DOCK8: variants seen among roughly 807,000 people sequenced by gnomAD.
DOCK8 encodes dedicator of cytokinesis protein 8.
In DOCK8, 141 loss-of-function variants were observed where a neutral mutation model predicts 245.6. That is an observed-to-expected ratio of 0.57 (90% CI 0.50 to 0.66). The LOEUF (loss-of-function observed/expected upper bound fraction) is 0.66, where lower values mean the gene tolerates loss of function less well. Ranked by LOEUF, DOCK8 falls within the 30% of genes least tolerant of loss-of-function variation. The pLI is 0.00. For synonymous variants in DOCK8, 1,168 were observed against 970.2 expected (o/e 1.20, Z -3.79); for missense variants, 2,965 against 2,603.4 (o/e 1.14, Z -3.02).
At chr9:281,499 C>T (rs1359262335) in intron 2 of DOCK8, among the ~76,000 whole-genome samples, 4 of 151,870 alleles carry the variant, frequency 2.6e-5, no homozygotes, top group Admixed American at 6.6e-5. Flanking sequence ...TGCCTTGAAC[C>T]GATCTTAGGA....
chr9:404,400 A>T (rs2055316586), intron 26 of DOCK8, among the ~76,000 whole-genome samples: 1 of 152,146 alleles, frequency 6.6e-6, no homozygotes, highest in Middle Eastern at 3.4e-3. Context: ...GGTACTATGT[A>T]CTTTGCTAAA....
chr9:234,589 T>C (rs146019928), intron 1 of DOCK8, among the ~76,000 whole-genome samples: 1,855 of 152,264 alleles, frequency 0.012, 30 homozygotes, highest in African/African-American at 0.043. Context: ...GGAGGCTTTG[T>C]TTGTTGCTTT....
chr9:251,629 C>T (rs1396094989), intron 1 of DOCK8, among the ~76,000 whole-genome samples: 1 of 152,164 alleles, frequency 6.6e-6, no homozygotes, highest in Non-Finnish European at 1.5e-5. Flanking sequence ...TGTCTCCTTC[C>T]TTCTCTGTGT....
At chr9:331,894 G>T (rs2051029387) in intron 9 of DOCK8, among the ~76,000 whole-genome samples, 1 of 152,132 alleles carries the variant, frequency 6.6e-6, no homozygotes, top group African/African-American at 2.4e-5. Flanking sequence ...AATTTATTCG[G>T]TTCAGTCATT....
intron 33 of DOCK8, among the ~76,000 whole-genome samples, chr9:426,399 A>G (rs1394041210): frequency 1.3e-5 from 2 of 152,172 alleles, no homozygotes; most frequent in African/African-American, 4.8e-5. Context: ...CTCTCCCCTG[A>G]CTTGGCTCTG....
At chr9:427,452 G>A (rs2056543313) in intron 34 of DOCK8, among the ~76,000 whole-genome samples, 1 of 152,160 alleles carries the variant, frequency 6.6e-6, no homozygotes. Flanking sequence ...AATTTGTTAA[G>A]GAAAGTCATT....
At chr9:424,693 AG>A (rs1216233544) in intron 33 of DOCK8, among the ~76,000 whole-genome samples, 27 of 152,356 alleles carry the variant, frequency 1.8e-4, no homozygotes, top group Admixed American at 3.9e-4. Context: ...TACAGGCATG[AG>A]CCACTGCGCC....
intron 24 of DOCK8, among the ~76,000 whole-genome samples, chr9:392,708 C>G (rs1337126917): frequency 3.3e-5 from 5 of 152,072 alleles, no homozygotes; most frequent in Non-Finnish European, 5.9e-5. Flanking sequence ...GTGGCTGCAG[C>G]TCACAAGTCT....
intron 5 of DOCK8, among the ~76,000 whole-genome samples, chr9:309,970 CAGA>C (rs1019742850): frequency 6.6e-6 from 1 of 152,110 alleles, no homozygotes; most frequent in Non-Finnish European, 1.5e-5. Flanking sequence ...GGCTGGATTG[CAGA>C]AGAAGTCATC....
intron 14 of DOCK8, among the ~76,000 whole-genome samples, chr9:356,619 TC>T (rs1563958899): frequency 6.6e-6 from 1 of 152,026 alleles, no homozygotes; most frequent in African/African-American, 2.4e-5. Context: ...AGCATCCAGA[TC>T]TTCCCCAAAG....
In DOCK8 at chr9:341,110, T is replaced by C. The variant is rs1024509198; in HGVS notation, c.1679+789T>C. Among the ~76,000 whole-genome samples, 3 of 152,224 alleles carry C rather than the reference T, an allele frequency of 2.0e-5. No individual in the cohort carries two copies. The East Asian group carries it at 5.8e-4, about 29-fold the overall frequency. ...TTCTGTATGTGTGCCAGCAGTACAATAGCCACTAATCACATGTAGCTGTTC... is the reference window on the plus strand; with the variant it reads ...TTCTGTATGTGTGCCAGCAGTACAACAGCCACTAATCACATGTAGCTGTTC... On this transcript the variant is annotated intron_variant, in intron 14 of 47. Coordinates refer to ENST00000432829, the MANE Select transcript of DOCK8 (RefSeq NM_203447.4).
chr9:254,783 G>A (rs552243437), intron 1 of DOCK8, among the ~76,000 whole-genome samples: 1 of 152,264 alleles, frequency 6.6e-6, no homozygotes, highest in East Asian at 1.9e-4. Flanking sequence ...TTTCTCAGTC[G>A]GGTTTTCCAT....
chr9:317,151 C>T (rs2130747800), intron 7 of DOCK8, 23 bp downstream of exon 7: 1 of 1,537,288 alleles, frequency 6.5e-7, no homozygotes, highest in Non-Finnish European at 9.0e-7. Context: ...AAACACACTG[C>T]CACCGCTTTG....
Position 271,725 on chromosome 9 carries a change from A to G in DOCK8, c.152A>G (p.Gln51Arg), listed in dbSNP as rs1158781902. ...AGTACCTCTGGCTTCCCCTCTCTTC[A>G]ACTAGTAAGTATGAGTTCCAGGTTT... ...SISTSGFPSL[Q>R]LPQFYDPVEP... Residue 51 changes from glutamine (Q) to arginine (R), a missense_variant, in exon 2 of 48, where the codon CAA becomes CGA. Gln to Arg is a conservative substitution (Grantham distance 43). Transcript: ENST00000432829. 2 of 1,550,132 alleles carry G rather than the reference A, an allele frequency of 1.3e-6. No homozygotes were observed. Among genetic ancestry groups the G allele is most frequent in the Non-Finnish European group, 1.7e-6 (2 of 1,145,380 alleles).
intron 3 of DOCK8, among the ~76,000 whole-genome samples, chr9:287,077 C>A (rs770042223): frequency 3.3e-5 from 5 of 152,166 alleles, no homozygotes; most frequent in Non-Finnish European, 7.4e-5. Context: ...GAGACTGGAT[C>A]AAGTTAGAAA....
chr9:257,607 C>G (rs547019371), intron 1 of DOCK8, among the ~76,000 whole-genome samples: 29 of 152,330 alleles, frequency 1.9e-4, no homozygotes, highest in African/African-American at 7.0e-4. Flanking sequence ...GCACCCTCAG[C>G]CTTCCAGGTT....
rs368921839 is a variant in DOCK8, at chr9:379,893, G to A, written c.2563G>A (p.Val855Ile). 9.3e-6 allele frequency: 15 copies of A among 1,614,016 alleles called. No homozygotes were observed. The highest frequency in any genetic ancestry group is 1.7e-5 in the Admixed American group (1 of 60,008). ...NCLLASYVHY[V>I]FRLPEVQRDV... ...CCTGCTGGCTTCCTACGTGCACTAC[G>A]TCTTCCGCCTGCCAGAGGTGCAAAG... The change falls in exon 21 of 48, where the codon GTC becomes ATC. Residue 855 changes from valine (V) to isoleucine (I), a missense_variant. Physicochemically the swap from Val to Ile is conservative, Grantham distance 29. Around this residue, in one of 3 missense-constraint regions of DOCK8, gnomAD observed 2,825 missense variants for 2,453.5 expected, o/e 1.15. Transcript: ENST00000432829.
At chr9:270,305 C>T (rs896010332) in intron 1 of DOCK8, among the ~76,000 whole-genome samples, 1 of 152,236 alleles carries the variant, frequency 6.6e-6, no homozygotes, top group Non-Finnish European at 1.5e-5. Context: ...GAAGGTGCTC[C>T]AGTCTTATTC....
At chr9:283,489 C>T (rs1005813981) in intron 2 of DOCK8, among the ~76,000 whole-genome samples, 7 of 152,102 alleles carry the variant, frequency 4.6e-5, no homozygotes, top group African/African-American at 1.7e-4. Flanking sequence ...CTTTTAGTGT[C>T]TCCATCACCC....
Sources: gnomAD v4.1 joint callset for allele counts (sites outside exome capture counted in the v4.1 genomes callset) on GRCh38, gnomAD v4.1.1 for gene constraint, gnomAD v4.1.1 regional missense constraint, MANE v1.5 for transcripts, NCBI Gene and HGNC (gene_info 2026-07-23, HGNC 2026-07-21) for gene names.